MYBPC2: variants seen among roughly 807,000 people sequenced by gnomAD.
MYBPC2 encodes the protein myosin-binding protein C, fast-type.
MYBPC2 carries 122 observed loss-of-function variants against 137.0 expected under a neutral mutation model. The observed-to-expected ratio is 0.89, with a 90% confidence interval of 0.77 to 1.03. The LOEUF (loss-of-function observed/expected upper bound fraction) is 1.03. Among genes scored for constraint, MYBPC2 ranks in the 50% least tolerant of loss-of-function variants. MYBPC2 has a pLI of 0.00. For missense variants in MYBPC2, 1,500 were observed against 1,534.4 expected (o/e 0.98, Z 0.37); for synonymous variants, 626 against 612.3 (o/e 1.02, Z -0.33).
In MYBPC2 at chr19:50,451,846, T is replaced by A; in HGVS notation, c.1610-18T>A. 6.3e-7 allele frequency: 1 copy of A among 1,586,004 alleles called. No individual in the cohort carries two copies. Among genetic ancestry groups the A allele is most frequent in the Non-Finnish European group, 8.6e-7 (1 of 1,165,654 alleles). ...GCCTCCCACTCCCAGGGTCCCTGTA[T>A]CTCTTCTGTGCCACCAGAGCCACCA... On this transcript the variant is annotated intron_variant, in intron 15 of 27. Transcript: ENST00000357701.
intron 5 of MYBPC2, among the ~76,000 whole-genome samples, 177 bp downstream of exon 5, chr19:50,436,911 G>A (rs947077004): frequency 3.9e-5 from 6 of 152,150 alleles, no homozygotes; most frequent in Non-Finnish European, 7.4e-5. Flanking sequence ...CATAGCATGG[G>A]AGGAGGTCTG....
At chr19:50,461,012 T>TC (rs2039966978) in intron 24 of MYBPC2, among the ~76,000 whole-genome samples, 1 of 150,170 alleles carries the variant, frequency 6.7e-6, no homozygotes, top group South Asian at 2.1e-4. Flanking sequence ...TAAATTTTTT[T>TC]TTTTTTTTTG....
chr19:50,438,293 G>A (rs2039722045), intron 7 of MYBPC2, among the ~76,000 whole-genome samples: 1 of 152,194 alleles, frequency 6.6e-6, no homozygotes, highest in Non-Finnish European at 1.5e-5. Context: ...TGGATAACGG[G>A]TGAATGGGAT....
chr19:50,458,977 G>T lies in MYBPC2; in HGVS notation c.2566G>T (p.Glu856Ter), dbSNP rs775430016. Reference sequence around the variant, plus strand: ...CCAGACCTACATCCGCAAAGTGGGCGAGCAGCTCAACCTTGTCGTCCCCTT... The same window carrying T: ...CCAGACCTACATCCGCAAAGTGGGCTAGCAGCTCAACCTTGTCGTCCCCTT... ...LRQTYIRKVG[E>*]QLNLVVPFQG... is the part of the protein sequence containing the mutation. The change falls in exon 22 of 28, where the codon GAG becomes TAG. Residue 856 changes from glutamate to a stop codon, truncating the protein, a stop_gained. Coordinates refer to ENST00000357701, the MANE Select transcript of MYBPC2 (RefSeq NM_004533.4). LOFTEE classifies it high-confidence loss of function. 6.8e-6 allele frequency: 11 copies of T among 1,612,526 alleles called. No homozygotes were observed. Among genetic ancestry groups the T allele is most frequent in the Non-Finnish European group, 9.3e-6 (11 of 1,179,576 alleles).
intron 9 of MYBPC2, among the ~76,000 whole-genome samples, 160 bp from the exon 10 acceptor site, chr19:50,443,334 A>G (rs2039772644): frequency 6.6e-6 from 1 of 152,042 alleles, no homozygotes; most frequent in Admixed American, 6.6e-5. Flanking sequence ...AAAGTAAATA[A>G]AAATAAATAA....
intron 16 of MYBPC2, among the ~76,000 whole-genome samples, chr19:50,453,819 T>C (rs1601292551): frequency 6.6e-6 from 1 of 151,826 alleles, no homozygotes; most frequent in Non-Finnish European, 1.5e-5. Flanking sequence ...GGATTACAGG[T>C]GTGAGCCACT....
At chr19:50,438,929 TC>T (rs1237947412) in intron 7 of MYBPC2, among the ~76,000 whole-genome samples, 2 of 152,028 alleles carry the variant, frequency 1.3e-5, no homozygotes, top group African/African-American at 4.8e-5. Context: ...GGCCCACTTA[TC>T]CATCTTCACT....
At chr19:50,450,679 C>T in intron 13 of MYBPC2, 150 bp from the exon 14 acceptor site, 3 of 606,684 alleles carry the variant, frequency 4.9e-6, no homozygotes, top group South Asian at 2.2e-5. Context: ...ACATAGCTAC[C>T]GATTTGAAAA....
In MYBPC2 at chr19:50,448,239, G is replaced by T; in HGVS notation, c.1321G>T (p.Val441Phe). The change falls in exon 13 of 28, where the codon GTC becomes TTC. Residue 441 changes from valine to phenylalanine, a missense_variant. Physicochemically the swap from Val to Phe is conservative, Grantham distance 50 (BLOSUM62 -1). Transcript: ENST00000357701. Reference protein sequence around the residue: ...ELIVEEKQLEVLQDIADLTVK... With the variant: ...ELIVEEKQLEFLQDIADLTVK... Reference sequence around the variant, plus strand: ...TCCCTGACCAGAGAAACAGCTGGAGGTCCTGCAGGACATCGCGGATCTGAC... The same window carrying T: ...TCCCTGACCAGAGAAACAGCTGGAGTTCCTGCAGGACATCGCGGATCTGAC... The T allele has an allele frequency of 1.2e-6, 2 of 1,613,588 alleles. No individual in the cohort carries two copies. Among genetic ancestry groups the T allele is most frequent in the African/African-American group, 1.3e-5 (1 of 75,048 alleles).
At chr19:50,437,449 C>T (rs759899207) in intron 5 of MYBPC2, 24 bp from the exon 6 acceptor site, 14 of 1,606,070 alleles carry the variant, frequency 8.7e-6, no homozygotes, top group East Asian at 4.5e-5. Flanking sequence ...ACTCACCTTC[C>T]CTTCTCTCAT....
rs1568665400 is a variant in MYBPC2 at position 50,454,118 on chromosome 19, C to T, written c.1848C>T (p.Tyr616=). 1.2e-6 allele frequency: 2 copies of T among 1,613,340 alleles called. No individual in the cohort carries two copies. Among genetic ancestry groups the T allele is most frequent in the Non-Finnish European group, 1.7e-6 (2 of 1,179,632 alleles). ...ESAQREDEGR[Y]TIKVTNPVGE... ...CGCAGCGGGAAGACGAGGGCCGCTA[C>T]ACCATCAAGGTCACCAACCCCGTCG... The change falls in exon 17 of 28, where the codon TAC becomes TAT. Residue 616 remains tyrosine (Y), a synonymous_variant. Transcript: ENST00000357701.
Position 50,461,927 on chromosome 19 carries a change from A to T in MYBPC2, c.3119A>T (p.Lys1040Met), listed in dbSNP as rs1408170534. 5 of 1,597,396 alleles carry T rather than the reference A, an allele frequency of 3.1e-6. No individual in the cohort carries two copies. Among genetic ancestry groups the T allele is most frequent in the Non-Finnish European group, 4.3e-6 (5 of 1,171,522 alleles). Residue 1040 changes from lysine (K) to methionine (M), a missense_variant, in exon 26 of 28, where the codon AAG becomes ATG. Lys to Met is a moderately conservative substitution (Grantham distance 95, BLOSUM62 -1). Coordinates refer to ENST00000357701, the MANE Select transcript of MYBPC2 (RefSeq NM_004533.4). ...TGITFKPFEY[K>M]EHDFRMAPKF... is the part of the protein sequence containing the mutation. ...ATCACCTTCAAACCGTTCGAGTATA[A>T]GGAGCATGACTTCCGGATGGCTCCC...
chr19:50,441,828 A>C (rs1425412058), intron 8 of MYBPC2, among the ~76,000 whole-genome samples: 2 of 151,964 alleles, frequency 1.3e-5, no homozygotes, highest in Non-Finnish European at 2.9e-5. Flanking sequence ...GAACAGAGTG[A>C]GACTCTGTCT....
chr19:50,463,209 A>G (rs2039986170), intron 26 of MYBPC2, among the ~76,000 whole-genome samples: 1 of 152,200 alleles, frequency 6.6e-6, no homozygotes, highest in South Asian at 2.1e-4. Flanking sequence ...CTGCAGACAA[A>G]ATGTAAATAA....
At chr19:50,452,984 A>AG (rs2122603380) in intron 16 of MYBPC2, among the ~76,000 whole-genome samples, 1 of 152,242 alleles carries the variant, frequency 6.6e-6, no homozygotes, top group South Asian at 2.1e-4. Flanking sequence ...AAATGGACAG[A>AG]CTTGCTCAAC....
Position 50,451,914 on chromosome 19 carries a change from A to T in MYBPC2, c.1660A>T (p.Ile554Phe), listed in dbSNP as rs753254072. Residue 554 changes from isoleucine to phenylalanine, a missense_variant, in exon 16 of 28, where the codon ATT becomes TTT. By Grantham distance (21) the Ile-to-Phe change is conservative. Transcript: ENST00000357701. ...DCSGKTSENAIVVVAGNKLRL... is the reference protein window; with the variant it reads ...DCSGKTSENAFVVVAGNKLRL... ...CTCGGGGAAGACCTCAGAGAATGCGATTGTGGTTGTGGCTGGAAACAAGCT... is the reference window on the plus strand; with the variant it reads ...CTCGGGGAAGACCTCAGAGAATGCGTTTGTGGTTGTGGCTGGAAACAAGCT... 6.3e-7 allele frequency: 1 copy of T among 1,584,850 alleles called. No individual in the cohort carries two copies. Among genetic ancestry groups the T allele is most frequent in the Non-Finnish European group, 8.6e-7 (1 of 1,164,894 alleles).
At chr19:50,442,159 C>T in intron 8 of MYBPC2, 22 bp from the exon 9 acceptor site, 5 of 1,575,014 alleles carry the variant, frequency 3.2e-6, no homozygotes, top group Non-Finnish European at 4.3e-6. Flanking sequence ...CCTCCATCCC[C>T]TTTGCATGCC....
rs765090668 is a variant in MYBPC2, at chr19:50,461,899, G to A, written c.3092-1G>A. 6.3e-7 allele frequency: 1 copy of A among 1,595,710 alleles called. No homozygotes were observed. The highest frequency in any genetic ancestry group is 8.5e-7 in the Non-Finnish European group (1 of 1,170,680). On this transcript the variant is annotated splice_acceptor_variant, in intron 25 of 27. Transcript: ENST00000357701. LOFTEE classifies it high-confidence loss of function. Reference sequence around the variant, plus strand: ...CTTACGGGTGCATCCTCTCTCCCCAGGAATCACCTTCAAACCGTTCGAGTA... The same window carrying A: ...CTTACGGGTGCATCCTCTCTCCCCAAGAATCACCTTCAAACCGTTCGAGTA...
At chr19:50,462,844 T>C (rs943013696) in intron 26 of MYBPC2, among the ~76,000 whole-genome samples, 2 of 133,788 alleles carry the variant, frequency 1.5e-5, no homozygotes, top group African/African-American at 5.3e-5. Flanking sequence ...CCACCGCTCC[T>C]GGCCTCTTGC....
Sources: gnomAD v4.1 joint callset for allele counts (sites outside exome capture counted in the v4.1 genomes callset) on GRCh38, gnomAD v4.1.1 for gene constraint, MANE v1.5 for transcripts, NCBI Gene and HGNC (gene_info 2026-07-23, HGNC 2026-07-21) for gene names.